OAS3: variants seen among roughly 807,000 people sequenced by gnomAD.
OAS3 encodes 2'-5'-oligoadenylate synthase 3.
A neutral mutation model predicts 113.0 loss-of-function variants in OAS3; 107 were observed. That is an observed-to-expected ratio of 0.95 (90% CI 0.81 to 1.11). The LOEUF (loss-of-function observed/expected upper bound fraction) is 1.11. Ranked by LOEUF, OAS3 falls within the 50% of genes most tolerant of loss-of-function variation. The pLI is 0.00. For missense variants in OAS3, 1,258 were observed against 1,389.1 expected (o/e 0.91, Z 1.50); for synonymous variants, 552 against 573.6 (o/e 0.96, Z 0.54).
At chr12:112,942,154 C>T (rs2043686633) in intron 2 of OAS3, 10 of 549,988 alleles carry the variant, frequency 1.8e-5, no homozygotes, top group South Asian at 5.6e-5. Context: ...CAAATACTCC[C>T]GAAAGCTAAG....
chr12:112,953,906 T>C (rs1345197499), intron 7 of OAS3, among the ~76,000 whole-genome samples: 2 of 152,350 alleles, frequency 1.3e-5, no homozygotes, highest in East Asian at 1.9e-4. Context: ...GTCAGATGAG[T>C]AGATTGTAAA....
chr12:112,949,991 C>T lies in OAS3; in HGVS notation c.1375-702C>T, dbSNP rs191921832. 4.3e-4 allele frequency among the ~76,000 whole-genome samples: 66 copies of T among 152,252 alleles called. No individual in the cohort carries two copies. The East Asian group carries it at 8.1e-3, about 19-fold the overall frequency. On this transcript the variant is annotated intron_variant, in intron 6 of 15. Coordinates refer to ENST00000228928, the MANE Select transcript of OAS3 (RefSeq NM_006187.4). The stretch of plus-strand genomic sequence containing the variant: ...CTGAGACCATGCCACTGCACTCCAG[C>T]CTGGGCGACAAGAGTGAAACTCCGT...
At chr12:112,944,857 C>G in intron 3 of OAS3, 1 of 595,652 alleles carries the variant, frequency 1.7e-6, no homozygotes, top group Non-Finnish European at 3.0e-6. Flanking sequence ...GGATACTGAT[C>G]CTTATTTAGT....
chr12:112,947,988 G>GA lies in OAS3; in HGVS notation c.920dup (p.Asn307LysfsTer19). 1 of 1,604,326 alleles carries GA rather than the reference G, an allele frequency of 6.2e-7. No individual in the cohort carries two copies. The highest frequency in any genetic ancestry group is 8.5e-7 in the Non-Finnish European group (1 of 1,175,616). On this transcript the variant is annotated frameshift_variant, in exon 5 of 16. Transcript: ENST00000228928. LOFTEE classifies it high-confidence loss of function. ...CAGCTGACCCCACATGGGACCTGGG[G>GA]AATGGGGCAGCCTGGCACTGGGATT...
chr12:112,948,051 A>G lies in OAS3; in HGVS notation c.981A>G (p.Pro327=). 6.3e-7 allele frequency: 1 copy of G among 1,586,964 alleles called. No individual in the cohort carries two copies. Among genetic ancestry groups the G allele is most frequent in the Non-Finnish European group, 8.6e-7 (1 of 1,165,960 alleles). Residue 327 remains proline, a synonymous_variant, in exon 5 of 16, where the codon CCA becomes CCG. Transcript: ENST00000228928. ...AGGCAGCATCCTGCTATGACCACCC[A>G]TGCTTTCTGAGGGGGATGGGGGACC... is the stretch of plus-strand genomic sequence containing the variant. ...AQEAASCYDH[P]CFLRGMGDPV...
intron 6 of OAS3, among the ~76,000 whole-genome samples, chr12:112,949,469 G>A (rs1234898959): frequency 6.6e-6 from 1 of 152,110 alleles, no homozygotes; most frequent in Non-Finnish European, 1.5e-5. Flanking sequence ...GGGCGCAGAG[G>A]CCTCAAGTCC....
chr12:112,968,944 A>G (rs1483183994), intron 14 of OAS3, among the ~76,000 whole-genome samples: 1 of 152,212 alleles, frequency 6.6e-6, no homozygotes, highest in African/African-American at 2.4e-5. Flanking sequence ...GCTTTTGCAA[A>G]CTCAAGATGC....
intron 3 of OAS3, chr12:112,944,995 A>T: frequency 2.9e-6 from 1 of 340,900 alleles, no homozygotes; most frequent in Non-Finnish European, 5.7e-6. Flanking sequence ...AAAATGAGTT[A>T]TTCTTTGTGT....
chr12:112,945,882 C>T (rs753795692), intron 3 of OAS3, among the ~76,000 whole-genome samples: 6 of 152,316 alleles, frequency 3.9e-5, no homozygotes, highest in Admixed American at 6.5e-5. Flanking sequence ...GTCCTCTCCA[C>T]GCAGGAGGCT....
chr12:112,963,895 G>A lies in OAS3; in HGVS notation c.2230-340G>A, dbSNP rs2043911022. On this transcript the variant is annotated intron_variant, in intron 10 of 15. Coordinates refer to ENST00000228928, the MANE Select transcript of OAS3 (RefSeq NM_006187.4). This position sits in a 1 kb window ranked among gnomAD's most constrained non-coding sequence, Gnocchi z 4.6. ...TGCTTCTAGGAAAACTGAGACATAA[G>A]CCACTTGCAGCTCCCAAAAGGATAT... is the stretch of plus-strand genomic sequence containing the variant. 6.6e-6 allele frequency among the ~76,000 whole-genome samples: 1 copy of A among 152,166 alleles called. No homozygotes were observed. The highest frequency in any genetic ancestry group is 6.5e-5 in the Admixed American group (1 of 15,278).
chr12:112,962,488 C>T (rs1385566421), intron 8 of OAS3, among the ~76,000 whole-genome samples, 164 bp from the exon 9 acceptor site: 2 of 152,226 alleles, frequency 1.3e-5, no homozygotes, highest in Non-Finnish European at 2.9e-5. Context: ...TCACTACCCT[C>T]CTCTGAACCT....
At chr12:112,941,490 C>T in intron 1 of OAS3, 80 bp from the exon 2 acceptor site, 1 of 1,481,352 alleles carries the variant, frequency 6.8e-7, no homozygotes, top group Non-Finnish European at 9.3e-7. Context: ...AGCACACTTG[C>T]CTCACTCAAG....
chr12:112,970,080 GTGTGTGAGCACATGTGTGCA>G lies in OAS3; in HGVS notation c.*114_*133del, dbSNP rs1184353982. The G allele has an allele frequency of 2.4e-5, 31 of 1,309,982 alleles. No homozygotes were observed. Among genetic ancestry groups the G allele is most frequent in the African/African-American group, 1.6e-4 (11 of 68,612 alleles). 81.1% of individuals were successfully genotyped at this position (1,309,982 alleles called of 1,614,324 possible). ...CAGATGAGAGAGATTGTGTACATGT[GTGTGTGAGCACATGTGTGCA>G]TGTGTGTGCACACGTGTGCATGTGT... On this transcript the variant is annotated 3_prime_UTR_variant, in exon 16 of 16. Coordinates refer to ENST00000228928, the MANE Select transcript of OAS3 (RefSeq NM_006187.4).
At chr12:112,956,496 A>C (rs1456079070) in intron 7 of OAS3, among the ~76,000 whole-genome samples, 1 of 152,180 alleles carries the variant, frequency 6.6e-6, no homozygotes, top group Non-Finnish European at 1.5e-5. Context: ...TTCCCTCTAC[A>C]CACTGCTTTA....
At chr12:112,955,297 AT>A (rs1181996150) in intron 7 of OAS3, among the ~76,000 whole-genome samples, 29 of 152,214 alleles carry the variant, frequency 1.9e-4, no homozygotes, top group African/African-American at 6.8e-4. Context: ...TCGTTTCCTA[AT>A]TGAATACCCT....
chr12:112,951,188 C>T (rs562654992), intron 7 of OAS3, among the ~76,000 whole-genome samples: 1 of 152,306 alleles, frequency 6.6e-6, no homozygotes, highest in African/African-American at 2.4e-5. Flanking sequence ...ATGTTTCAAG[C>T]ATACAGAAAA....
chr12:112,951,794 C>T (rs1482583312), intron 7 of OAS3, among the ~76,000 whole-genome samples: 2 of 138,142 alleles, frequency 1.4e-5, no homozygotes, highest in African/African-American at 5.6e-5. Flanking sequence ...GTCAGGAGTT[C>T]GAGACCAGCC....
At chr12:112,961,267 C>T in intron 8 of OAS3, 21 bp downstream of exon 8, 1 of 1,607,674 alleles carries the variant, frequency 6.2e-7, no homozygotes, top group Non-Finnish European at 8.5e-7. Flanking sequence ...CCTGGCTCCT[C>T]CCAGGAAGCC....
Position 112,971,690 on chromosome 12 carries a change from T to C in OAS3, c.*1717T>C, listed in dbSNP as rs1342440301. The C allele has an allele frequency of 6.6e-6, 1 of 152,238 alleles. No individual in the cohort carries two copies. The highest frequency in any genetic ancestry group is 1.5e-5 in the Non-Finnish European group (1 of 68,056). The allele number at this position is 152,238 out of a possible 1,614,324, so 9.4% of individuals were successfully genotyped here. On this transcript the variant is annotated 3_prime_UTR_variant, in exon 16 of 16. Transcript: ENST00000228928. ...AGATTGAATGGGATGGGAAGAGCCT[T>C]CCCTCATTATTGTCATTCTTGGAGA...
Sources: gnomAD v4.1 joint callset for allele counts (sites outside exome capture counted in the v4.1 genomes callset) on GRCh38, gnomAD v4.1.1 for gene constraint, Gnocchi (gnomAD v3.1) non-coding constraint, MANE v1.5 for transcripts, NCBI Gene and HGNC (gene_info 2026-07-23, HGNC 2026-07-21) for gene names.